Variants in PDE8B observed in about 807,000 individuals in gnomAD.
The protein encoded by PDE8B is phosphodiesterase 8B, also known as high affinity cAMP-specific and IBMX-insensitive 3',5'-cyclic phosphodiesterase 8B.
PDE8B carries 26 observed loss-of-function variants against 101.3 expected under a neutral mutation model. That is an observed-to-expected ratio of 0.26 (90% CI 0.19 to 0.36). The LOEUF is 0.36. Ranked by LOEUF, PDE8B falls within the 10% of genes least tolerant of loss-of-function variation. The probability of loss-of-function intolerance (pLI) is 1.00; values close to 1 mark genes in which losing one functional copy is unlikely to be tolerated. For missense variants in PDE8B, 810 were observed against 1,163.1 expected, an observed-to-expected ratio of 0.70 and a Z score of 4.42; for synonymous variants, 424 against 429.3, an observed-to-expected ratio of 0.99 and a Z score of 0.15.
chr5:77,166,999 C>T, the PDE8B span: 1 of 152,172 alleles, frequency 6.6e-6, no homozygotes, highest in Admixed American at 6.5e-5. Flanking sequence ...TCCTGTATAC[C>T]CGGCACCACA....
chr5:77,191,865 G>GC, the PDE8B span, among the ~76,000 whole-genome samples: 2 of 152,128 alleles, frequency 1.3e-5, no homozygotes, highest in African/African-American at 4.8e-5. Context: ...ATCAGTGGGA[G>GC]CCCTGAGCTT....
intron 1 of PDE8B, among the ~76,000 whole-genome samples, chr5:77,270,071 C>T (rs556067678): frequency 3.9e-5 from 6 of 152,242 alleles, no homozygotes; most frequent in Admixed American, 2.0e-4. Flanking sequence ...GTAGTATGGA[C>T]GTCTTAACAG....
intron 4 of PDE8B, among the ~76,000 whole-genome samples, chr5:77,331,037 A>T (rs1777017847): frequency 6.6e-6 from 1 of 152,172 alleles, no homozygotes; most frequent in African/African-American, 2.4e-5. Flanking sequence ...ATACTTCCAG[A>T]TGGTTTGGGA....
intron 10 of PDE8B, among the ~76,000 whole-genome samples, chr5:77,390,902 C>T (rs1480875559): frequency 2.0e-5 from 3 of 152,186 alleles, no homozygotes; most frequent in Admixed American, 6.5e-5. Flanking sequence ...ACCTCAGCTT[C>T]CTTGCCTGTT....
intron 3 of PDE8B, among the ~76,000 whole-genome samples, chr5:77,328,325 G>C (rs73767370): frequency 6.6e-6 from 1 of 151,156 alleles, no homozygotes; most frequent in South Asian, 2.1e-4. Context: ...GATTATTTTG[G>C]TCCTGTTTAA....
At chr5:77,398,752 C>T (rs186787020) in intron 10 of PDE8B, among the ~76,000 whole-genome samples, 308 of 152,350 alleles carry the variant, frequency 2.0e-3, no homozygotes, top group African/African-American at 7.1e-3. Flanking sequence ...ACTCTAAACC[C>T]GCTGGCATTT....
chr5:77,162,500 A>G, the PDE8B span, among the ~76,000 whole-genome samples: 3 of 152,180 alleles, frequency 2.0e-5, no homozygotes, highest in Non-Finnish European at 4.4e-5. Context: ...GAGTTGGAAC[A>G]CTCATACTGA....
At chr5:77,172,114 T>C in the PDE8B span, among the ~76,000 whole-genome samples, 1 of 152,270 alleles carries the variant, frequency 6.6e-6, no homozygotes, top group African/African-American at 2.4e-5. Flanking sequence ...GGGAGTCGAT[T>C]GGATGGATAG....
At chr5:77,388,327 C>G (rs1358239264) in intron 10 of PDE8B, among the ~76,000 whole-genome samples, 2 of 152,154 alleles carry the variant, frequency 1.3e-5, no homozygotes, top group African/African-American at 2.4e-5. Flanking sequence ...CTAACAGGCC[C>G]CTCTGCTACA....
At chr5:77,407,695 G>A (rs1021771330) in intron 13 of PDE8B, among the ~76,000 whole-genome samples, 1 of 152,152 alleles carries the variant, frequency 6.6e-6, no homozygotes, top group African/African-American at 2.4e-5. Flanking sequence ...TGGAAGAGAG[G>A]GTGGTCAGGG....
At chr5:77,197,604 T>G in the PDE8B span, among the ~76,000 whole-genome samples, 2 of 152,086 alleles carry the variant, frequency 1.3e-5, no homozygotes, top group Admixed American at 6.6e-5. Flanking sequence ...AACATAAGCT[T>G]TTATCCCCTT....
intron 2 of PDE8B, among the ~76,000 whole-genome samples, chr5:77,316,961 G>A (rs1326106486): frequency 2.0e-5 from 3 of 152,082 alleles, no homozygotes; most frequent in African/African-American, 7.2e-5. Context: ...AAGATAATAA[G>A]CTCAACTTAG....
At chr5:77,153,989 C>G in the PDE8B span, among the ~76,000 whole-genome samples, 1 of 152,300 alleles carries the variant, frequency 6.6e-6, no homozygotes, top group South Asian at 2.1e-4. Context: ...TCCAACCCAT[C>G]TGTATAAGAA....
the PDE8B span, among the ~76,000 whole-genome samples, chr5:77,160,723 T>C: frequency 6.6e-6 from 1 of 152,194 alleles, no homozygotes; most frequent in Non-Finnish European, 1.5e-5. Flanking sequence ...TGATTATGGC[T>C]CACTGCAGCC....
intron 1 of PDE8B, among the ~76,000 whole-genome samples, chr5:77,278,374 G>A (rs1764246292): frequency 6.6e-6 from 1 of 152,204 alleles, no homozygotes; most frequent in Non-Finnish European, 1.5e-5. Context: ...TTCAACTACT[G>A]TGTTCTCATG....
intron 1 of PDE8B, among the ~76,000 whole-genome samples, chr5:77,223,039 T>C (rs375243533): frequency 2.6e-5 from 4 of 152,168 alleles, no homozygotes; most frequent in Non-Finnish European, 5.9e-5. Flanking sequence ...CATTACCCAA[T>C]AGAAATAAAA....
intron 1 of PDE8B, among the ~76,000 whole-genome samples, chr5:77,233,998 A>T (rs1197121611): frequency 6.6e-6 from 1 of 152,062 alleles, no homozygotes; most frequent in Non-Finnish European, 1.5e-5. Flanking sequence ...TATTATGGAT[A>T]AAAGAAGGCG....
chr5:77,288,781 G>A (rs1432148285), intron 1 of PDE8B, among the ~76,000 whole-genome samples: 1 of 151,944 alleles, frequency 6.6e-6, no homozygotes, highest in Non-Finnish European at 1.5e-5. Context: ...ATGTGAGTTG[G>A]GGTAAAATCT....
chr5:77,241,527 A>G (rs1254067718), intron 1 of PDE8B, among the ~76,000 whole-genome samples: 2 of 152,252 alleles, frequency 1.3e-5, no homozygotes, highest in East Asian at 1.9e-4. Flanking sequence ...TCACTGAATC[A>G]TGCAGCAATC....
Sources: allele counts gnomAD v4.1 joint callset (sites outside exome capture counted in the v4.1 genomes callset), GRCh38; gene constraint gnomAD v4.1.1; transcripts MANE v1.5; gene names NCBI Gene and HGNC (gene_info 2026-07-23, HGNC 2026-07-21).